Variants in CSMD1 observed in about 807,000 individuals in gnomAD.
The protein encoded by CSMD1 is CUB and sushi domain-containing protein 1.
CSMD1 carries 213 observed loss-of-function variants against 417.5 expected under a neutral mutation model. That is an observed-to-expected ratio of 0.51 (90% confidence interval 0.46 to 0.57). The LOEUF (loss-of-function observed/expected upper bound fraction) is 0.57, where lower values mean the gene tolerates loss of function less well. Among genes scored for constraint, CSMD1 ranks in the 20% least tolerant of loss-of-function variants. The pLI is 0.00. For synonymous variants in CSMD1, 2,862 were observed against 1,736.8 expected (o/e 1.65, Z -16.11); for missense variants, 6,923 against 4,529.7 (o/e 1.53, Z -15.17).
In CSMD1 at chr8:3,358,450, C is replaced by T. The variant is rs538075051; in HGVS notation, c.3304+702G>A. ...ACAACACACCCTATTTAAGCTACAA[C>T]GGCAGTTACGATTCTCCTTTGCTAA... On this transcript the variant is annotated intron_variant, in intron 21 of 69. Transcript: ENST00000635120. Among the ~76,000 whole-genome samples, 134 of 152,300 alleles carry T rather than the reference C, an allele frequency of 8.8e-4. 1 individual carries two copies. The highest frequency in any genetic ancestry group is 2.9e-3 in the South Asian group (14 of 4,822).
chr8:4,360,536 C>T lies in CSMD1; in HGVS notation c.415+59417G>A, dbSNP rs192353775. On this transcript the variant is annotated intron_variant, in intron 3 of 69. Transcript: ENST00000635120. The stretch of plus-strand genomic sequence containing the variant: ...ATGGAGTCTGGCTCTGTCGCCCAGG[C>T]TGGAGGGCAGTGGCGCGATCTCGGC... Among the ~76,000 whole-genome samples, 18 of 152,280 alleles carry T rather than the reference C, an allele frequency of 1.2e-4. No homozygotes were observed. In the East Asian group the frequency reaches 3.5e-3, roughly 29 times the overall value.
chr8:3,525,887 A>T (rs887102892), intron 10 of CSMD1, among the ~76,000 whole-genome samples: 1 of 152,186 alleles, frequency 6.6e-6, no homozygotes, highest in Non-Finnish European at 1.5e-5. Context: ...CTTGATCTGT[A>T]TAAGACAGCC....
At chr8:4,563,782 A>C (rs2693793) in intron 2 of CSMD1, among the ~76,000 whole-genome samples, 106,281 of 152,014 alleles carry the variant, frequency 0.7, 37,475 homozygotes, top group Non-Finnish European at 0.75. Flanking sequence ...GCCCTGTCCT[A>C]AATGTTTCTG....
At chr8:3,260,533 G>A (rs1220652716) in intron 26 of CSMD1, among the ~76,000 whole-genome samples, 1 of 152,016 alleles carries the variant, frequency 6.6e-6, no homozygotes, top group Non-Finnish European at 1.5e-5. Flanking sequence ...TTTCATTTCT[G>A]AAAATGTCAG....
At chr8:3,718,295 C>CCTT (rs572008493) in intron 6 of CSMD1, among the ~76,000 whole-genome samples, 1 of 101,416 alleles carries the variant, frequency 9.9e-6, no homozygotes, top group Non-Finnish European at 2.1e-5. Flanking sequence ...GGCATTCCTG[C>CCTT]ATTTTTTTTA....
intron 2 of CSMD1, among the ~76,000 whole-genome samples, chr8:4,519,928 TGTGTGTGC>T (rs1371464864): frequency 1.4e-5 from 1 of 70,086 alleles, no homozygotes; most frequent in East Asian, 5.1e-4. Context: ...GTAGTGTGTG[TGTGTGTGC>T]GTGTGTGTGT....
intron 1 of CSMD1, among the ~76,000 whole-genome samples, chr8:4,894,148 T>G (rs1804318337): frequency 6.6e-6 from 1 of 152,094 alleles, no homozygotes; most frequent in South Asian, 2.1e-4. Flanking sequence ...TATCTCTATT[T>G]TAACAGTGAA....
At chr8:4,161,517 T>G (rs968674625) in intron 3 of CSMD1, among the ~76,000 whole-genome samples, 3 of 152,204 alleles carry the variant, frequency 2.0e-5, no homozygotes, top group Non-Finnish European at 4.4e-5. Context: ...GAACCCAAGC[T>G]GAACACGCAA....
chr8:4,546,793 A>AT (rs1797657991), intron 2 of CSMD1, among the ~76,000 whole-genome samples: 2 of 151,888 alleles, frequency 1.3e-5, no homozygotes, highest in Admixed American at 6.6e-5. Flanking sequence ...AATATATAAA[A>AT]ATATATGCAT....
chr8:4,142,039 T>G (rs1803822909), intron 3 of CSMD1, among the ~76,000 whole-genome samples: 1 of 136,428 alleles, frequency 7.3e-6, no homozygotes, highest in Non-Finnish European at 1.7e-5. Context: ...CAAAGATGTT[T>G]TAAATGTTTG....
intron 10 of CSMD1, among the ~76,000 whole-genome samples, chr8:3,568,880 T>C (rs1484476553): frequency 2.0e-5 from 3 of 152,218 alleles, no homozygotes; most frequent in East Asian, 3.9e-4. Flanking sequence ...TCCTTCATGA[T>C]ACATTTAAAC....
intron 6 of CSMD1, among the ~76,000 whole-genome samples, chr8:3,715,279 G>C (rs1420582398): frequency 6.6e-6 from 1 of 152,152 alleles, no homozygotes; most frequent in African/African-American, 2.4e-5. Context: ...TTGTTAACGT[G>C]TGATTTGTGC....
intron 1 of CSMD1, among the ~76,000 whole-genome samples, chr8:4,815,590 G>T (rs554727074): frequency 1.5e-4 from 23 of 151,400 alleles, no homozygotes; most frequent in African/African-American, 5.6e-4. Flanking sequence ...CAGCTATTTG[G>T]GAGGCTGAGG....
At chr8:4,059,475 A>C (rs1798860443) in intron 3 of CSMD1, among the ~76,000 whole-genome samples, 1 of 152,240 alleles carries the variant, frequency 6.6e-6, no homozygotes, top group African/African-American at 2.4e-5. Flanking sequence ...AGATGCAAAT[A>C]ACCCTTCAAA....
chr8:4,925,993 T>C (rs955974909), intron 1 of CSMD1, among the ~76,000 whole-genome samples: 5 of 152,226 alleles, frequency 3.3e-5, no homozygotes, highest in African/African-American at 7.2e-5. Context: ...ATGCATTCTT[T>C]CCAGGTTATA....
intron 3 of CSMD1, among the ~76,000 whole-genome samples, chr8:4,285,342 G>C (rs1021563955): frequency 6.6e-6 from 1 of 152,050 alleles, no homozygotes; most frequent in Non-Finnish European, 1.5e-5. Flanking sequence ...ATTTCATTTA[G>C]AACTCCCATC....
intron 1 of CSMD1, among the ~76,000 whole-genome samples, chr8:4,810,074 C>T (rs1177522794): frequency 1.3e-5 from 2 of 152,328 alleles, no homozygotes; most frequent in African/African-American, 2.4e-5. Flanking sequence ...TTAAAGTTAG[C>T]TCATTTGGTA....
intron 6 of CSMD1, among the ~76,000 whole-genome samples, chr8:3,729,533 C>T (rs560173428): frequency 6.6e-6 from 1 of 152,260 alleles, no homozygotes; most frequent in African/African-American, 2.4e-5. Flanking sequence ...CAAGAGGAAT[C>T]GAAGTGGGCC....
At chr8:3,717,352 T>C (rs2623563) in intron 6 of CSMD1, among the ~76,000 whole-genome samples, 21,722 of 152,214 alleles carry the variant, frequency 0.14, 1,885 homozygotes, top group East Asian at 0.25. Flanking sequence ...CATCTATTAA[T>C]ATTAGTCCCA....
Sources: gnomAD v4.1 joint callset for allele counts (sites outside exome capture counted in the v4.1 genomes callset) on GRCh38, gnomAD v4.1.1 for gene constraint, MANE v1.5 for transcripts, NCBI Gene and HGNC (gene_info 2026-07-23, HGNC 2026-07-21) for gene names.